The following ZNF385D variants were observed in gnomAD, a reference collection of about 807,000 sequenced individuals.
The protein encoded by ZNF385D is zinc finger protein 659.
A neutral mutation model predicts 35.8 loss-of-function variants in ZNF385D; 15 were observed. The observed-to-expected ratio is 0.42, with a 90% confidence interval of 0.28 to 0.64. The LOEUF (loss-of-function observed/expected upper bound fraction) is 0.64. Ranked by LOEUF, ZNF385D falls within the 30% of genes least tolerant of loss-of-function variation. The pLI, the probability that ZNF385D is intolerant of heterozygous loss-of-function variation, is 0.23. For missense variants in ZNF385D, 474 were observed against 494.6 expected (o/e 0.96, Z 0.39); for synonymous variants, 212 against 186.8 (o/e 1.13, Z -1.10).
chr3:22,193,846 T>C (rs537233472), intron 2 of ZNF385D, among the ~76,000 whole-genome samples: 2 of 152,172 alleles, frequency 1.3e-5, no homozygotes, highest in East Asian at 3.8e-4. Context: ...TTTTCATCTA[T>C]ATTTTTAAAT....
At chr3:22,335,289 C>A (rs1304101825) in intron 2 of ZNF385D, among the ~76,000 whole-genome samples, 2 of 152,066 alleles carry the variant, frequency 1.3e-5, no homozygotes, top group African/African-American at 2.4e-5. Flanking sequence ...AAAATAAGAT[C>A]ATTCTGTAAT....
intron 3 of ZNF385D, among the ~76,000 whole-genome samples, chr3:21,900,106 G>A (rs547108211): frequency 2.0e-5 from 3 of 152,218 alleles, no homozygotes; most frequent in South Asian, 2.1e-4. Flanking sequence ...AATTGCTAGT[G>A]AGAAAATGTT....
chr3:22,295,093 C>A (rs984705022), intron 2 of ZNF385D, among the ~76,000 whole-genome samples: 1 of 151,962 alleles, frequency 6.6e-6, no homozygotes, highest in African/African-American at 2.4e-5. Flanking sequence ...TCCAGTTTTC[C>A]TCTGAATGAA....
chr3:21,890,425 C>T (rs1191092083), intron 3 of ZNF385D, among the ~76,000 whole-genome samples: 1 of 152,078 alleles, frequency 6.6e-6, no homozygotes, highest in Non-Finnish European at 1.5e-5. Flanking sequence ...TTGAGACCAG[C>T]CTGGCCAACA....
intron 3 of ZNF385D, among the ~76,000 whole-genome samples, chr3:21,970,829 A>C (rs1454838619): frequency 1.3e-5 from 2 of 152,116 alleles, no homozygotes; most frequent in Non-Finnish European, 2.9e-5. Flanking sequence ...GAAAAGAAAC[A>C]AATAACATGC....
chr3:22,239,336 G>T (rs1699362936), intron 2 of ZNF385D, among the ~76,000 whole-genome samples: 1 of 150,812 alleles, frequency 6.6e-6, no homozygotes, highest in African/African-American at 2.5e-5. Flanking sequence ...AGACTCTATG[G>T]CCCACAACAT....
rs573211927 is a variant in ZNF385D, at chr3:21,803,629, C to CTA, written c.326-138603_326-138602dup. 6.3e-4 allele frequency among the ~76,000 whole-genome samples: 96 copies of CTA among 152,082 alleles called. 1 individual carries two copies. The highest frequency in any genetic ancestry group is 6.8e-3 in the Middle Eastern group (2 of 292). On this transcript the variant is annotated intron_variant, in intron 3 of 5. Coordinates refer to the ZNF385D transcript ENST00000494108. ...CCATATTTGTAATAGGACATAAAAG[C>CTA]TATATATATCATCCCTGTCATAATT...
chr3:22,127,397 T>A (rs1178109472), intron 3 of ZNF385D, among the ~76,000 whole-genome samples: 1 of 132,048 alleles, frequency 7.6e-6, no homozygotes, highest in African/African-American at 2.9e-5. Flanking sequence ...TGGAATGCAG[T>A]GGTGCAATCT....
chr3:21,926,114 G>T (rs917105288), intron 3 of ZNF385D, among the ~76,000 whole-genome samples: 2 of 150,840 alleles, frequency 1.3e-5, no homozygotes, highest in Non-Finnish European at 3.0e-5. Context: ...AACCCTTGAT[G>T]CAGTTTGGAT....
chr3:22,354,832 G>A (rs1187378269), intron 2 of ZNF385D, among the ~76,000 whole-genome samples: 1 of 151,944 alleles, frequency 6.6e-6, no homozygotes, highest in Non-Finnish European at 1.5e-5. Context: ...TGGTGTTGCG[G>A]TTATTTAATT....
At chr3:21,707,691 T>C (rs2067957906) in intron 1 of ZNF385D, among the ~76,000 whole-genome samples, 1 of 152,204 alleles carries the variant, frequency 6.6e-6, no homozygotes, top group Non-Finnish European at 1.5e-5. Context: ...TCAATTCGAA[T>C]ATAGATATAA....
rs1439311724 is a variant in ZNF385D at position 21,941,063 on chromosome 3, G to A, written c.325+227754C>T. On this transcript the variant is annotated intron_variant, in intron 3 of 5. Transcript: ENST00000494108. ...AATTATCTTGGAAAGTGTGATTCCA[G>A]CCAATGAAAAAAGATGACACAATTT... Among the ~76,000 whole-genome samples, 8 of 152,118 alleles carry A rather than the reference G, an allele frequency of 5.3e-5. No individual in the cohort carries two copies. In the East Asian group the frequency reaches 1.5e-3, roughly 29 times the overall value.
chr3:21,452,420 A>G (rs576429429), intron 4 of ZNF385D, among the ~76,000 whole-genome samples: 1 of 152,144 alleles, frequency 6.6e-6, no homozygotes, highest in East Asian at 1.9e-4. Flanking sequence ...AGTTCTAGCC[A>G]GAACTATTAA....
intron 3 of ZNF385D, among the ~76,000 whole-genome samples, chr3:22,086,070 T>C (rs1409433076): frequency 1.3e-5 from 2 of 152,186 alleles, no homozygotes; most frequent in Non-Finnish European, 2.9e-5. Context: ...ATAAGAGCTA[T>C]TTATGACAAA....
chr3:22,329,695 A>G (rs1694846174), intron 2 of ZNF385D, among the ~76,000 whole-genome samples: 1 of 152,206 alleles, frequency 6.6e-6, no homozygotes, highest in African/African-American at 2.4e-5. Flanking sequence ...AACACTGTCC[A>G]CTAGAAATGT....
At chr3:21,608,023 G>GTTTTTTTTTGTTTTTTTTTTTTTTTT (rs1553622610) in intron 2 of ZNF385D, among the ~76,000 whole-genome samples, 2 of 120,240 alleles carry the variant, frequency 1.7e-5, no homozygotes, top group African/African-American at 6.4e-5. Context: ...TTTTTTTTTT[G>GTTTTTTTTTGTTTTTTTTTTTTTTTT]TTTTTTTTTT....
At position 22,006,772 on chromosome 3, in the gene ZNF385D, T is replaced by A. The variant is rs564401071; in HGVS notation, c.325+162045A>T. ...AATATAATAAACATCTCTTGAAATA[T>A]ATAAATGAGCTTATAAAGAATAAAA... On this transcript the variant is annotated intron_variant, in intron 3 of 5. Coordinates refer to the ZNF385D transcript ENST00000494108. 1.3e-5 allele frequency among the ~76,000 whole-genome samples: 2 copies of A among 152,040 alleles called. 1 individual carries two copies. Among genetic ancestry groups the A allele is most frequent in the African/African-American group, 4.8e-5 (2 of 41,536 alleles).
chr3:21,683,778 G>C (rs923622640), intron 1 of ZNF385D, among the ~76,000 whole-genome samples: 3 of 150,064 alleles, frequency 2.0e-5, no homozygotes, highest in Admixed American at 6.6e-5. Flanking sequence ...ATGGTCTCTG[G>C]GAGCTAAGAG....
chr3:22,139,678 C>A (rs902663714), intron 3 of ZNF385D, among the ~76,000 whole-genome samples: 2 of 151,978 alleles, frequency 1.3e-5, no homozygotes, highest in Non-Finnish European at 2.9e-5. Context: ...TGACGAGTTA[C>A]TTGGTGCAGT....
Sources: gnomAD v4.1 joint callset for allele counts (sites outside exome capture counted in the v4.1 genomes callset) on GRCh38, gnomAD v4.1.1 for gene constraint, MANE v1.5 for transcripts, NCBI Gene and HGNC (gene_info 2026-07-23, HGNC 2026-07-21) for gene names.